Variants in ZNF831 observed in about 807,000 individuals in gnomAD.
The protein encoded by ZNF831 is chromosome 20 open reading frame 174.
In ZNF831, 59 loss-of-function variants were observed where a neutral mutation model predicts 95.8. The observed-to-expected ratio is 0.62, with a 90% confidence interval of 0.50 to 0.77. ZNF831 has a LOEUF of 0.77. Ranked by LOEUF, ZNF831 falls within the 30% of genes least tolerant of loss-of-function variation. The pLI is 0.00. For missense variants in ZNF831, 2,205 were observed against 2,164.0 expected (o/e 1.02, Z -0.38); for synonymous variants, 961 against 925.5 (o/e 1.04, Z -0.70).
intron 1 of ZNF831, among the ~76,000 whole-genome samples, chr20:59,125,184 C>A (rs1281510825): frequency 1.3e-5 from 2 of 152,192 alleles, no homozygotes; most frequent in African/African-American, 4.8e-5. Context: ...ACTGGGGATG[C>A]AAGATCAGGG....
intron 4 of ZNF831, among the ~76,000 whole-genome samples, chr20:59,221,629 C>T (rs1986079990): frequency 6.6e-6 from 1 of 152,160 alleles, no homozygotes; most frequent in Admixed American, 6.5e-5. Context: ...CCAGCCCTGT[C>T]CTAATTAGGA....
intron 1 of ZNF831, among the ~76,000 whole-genome samples, chr20:59,182,928 A>G (rs1982733613): frequency 6.6e-6 from 1 of 152,170 alleles, no homozygotes; most frequent in African/African-American, 2.4e-5. Context: ...CTAGAATCTG[A>G]CAAAAGTTAG....
In ZNF831 at chr20:59,194,474, T is replaced by C. The variant is rs2146600117; in HGVS notation, c.3455T>C (p.Leu1152Ser). 1 of 1,613,050 alleles carries C rather than the reference T, an allele frequency of 6.2e-7. No individual in the cohort carries two copies. The highest frequency in any genetic ancestry group is 8.5e-7 in the Non-Finnish European group (1 of 1,179,738). ...CCCCCAGGCTGGCCAGAGCTGGCCT[T>C]GTCTTCCCACTCAGGGACGTCCCGG... is the stretch of plus-strand genomic sequence containing the variant. ...GVPPGWPELA[L>S]SSHSGTSRSH... The change falls in exon 2 of 6, where the codon TTG becomes TCG. Residue 1152 changes from leucine (L) to serine (S), a missense_variant. Physicochemically the swap from Leu to Ser is moderately radical, Grantham distance 145. Transcript: ENST00000371030.
Position 59,224,301 on chromosome 20 carries a change from C to T in ZNF831, c.4027+17245C>T, listed in dbSNP as rs1439878158. On this transcript the variant is annotated intron_variant, in intron 4 of 5. Transcript: ENST00000371030. ...TTGAGGTGCCCATGGGCTTCTCATCCGTGGTTTGGTAGCATCCTCTTCCAA... is the reference window on the plus strand; with the variant it reads ...TTGAGGTGCCCATGGGCTTCTCATCTGTGGTTTGGTAGCATCCTCTTCCAA... 5.3e-5 allele frequency among the ~76,000 whole-genome samples: 8 copies of T among 152,176 alleles called. No individual in the cohort carries two copies. The South Asian group carries it at 8.3e-4, about 16-fold the overall frequency.
At chr20:59,233,941 T>C (rs1027041305) in intron 4 of ZNF831, among the ~76,000 whole-genome samples, 5 of 152,172 alleles carry the variant, frequency 3.3e-5, no homozygotes, top group African/African-American at 9.7e-5. Context: ...TCGAAAGGAA[T>C]AGAAGAGAAA....
chr20:59,180,543 G>C (rs6100359), intron 1 of ZNF831, among the ~76,000 whole-genome samples: 1 of 151,944 alleles, frequency 6.6e-6, no homozygotes, highest in African/African-American at 2.4e-5. Context: ...CCCCACGACA[G>C]GCTCTGGTGT....
intron 1 of ZNF831, among the ~76,000 whole-genome samples, chr20:59,186,632 G>A (rs1983065677): frequency 6.6e-6 from 1 of 152,176 alleles, no homozygotes; most frequent in Non-Finnish European, 1.5e-5. Flanking sequence ...GGAGGTTCCT[G>A]AAATTCTCAG....
At chr20:59,223,151 C>T (rs1986211124) in intron 4 of ZNF831, among the ~76,000 whole-genome samples, 1 of 151,868 alleles carries the variant, frequency 6.6e-6, no homozygotes, top group Admixed American at 6.6e-5. Context: ...AGAGGGGGGA[C>T]ATTATTTCAG....
intron 1 of ZNF831, among the ~76,000 whole-genome samples, chr20:59,179,631 G>A (rs185023154): frequency 1.3e-5 from 2 of 152,146 alleles, no homozygotes; most frequent in South Asian, 4.2e-4. Context: ...GCTGGATTTT[G>A]CCCCATCTCT....
intron 1 of ZNF831, among the ~76,000 whole-genome samples, chr20:59,177,499 G>A (rs1982263556): frequency 6.6e-6 from 1 of 152,164 alleles, no homozygotes; most frequent in African/African-American, 2.4e-5. Context: ...CCAGGTACCA[G>A]CATGGCTCAT....
At position 59,208,585 on chromosome 20, in the gene ZNF831, T is replaced by G. The variant is rs1373042299; in HGVS notation, c.4027+1529T>G. On this transcript the variant is annotated intron_variant, in intron 4 of 5. Coordinates refer to ENST00000371030, the MANE Select transcript of ZNF831 (RefSeq NM_178457.3). The surrounding 1 kb of genome is among the most constrained non-coding windows in gnomAD (Gnocchi z 4.2). ...GCCAACTCAGGGTACCTGGGAATTG[T>G]GCACAGAATTGTGTGTGTGTGGGTG... Among the ~76,000 whole-genome samples, 1 of 152,170 alleles carries G rather than the reference T, an allele frequency of 6.6e-6. No homozygotes were observed. The highest frequency in any genetic ancestry group is 1.9e-4 in the East Asian group (1 of 5,192).
rs773783363 is a variant in ZNF831, at chr20:59,193,598, C to A, written c.2579C>A (p.Ala860Asp). The change falls in exon 2 of 6, where the codon GCC becomes GAC. Residue 860 changes from alanine to aspartate, a missense_variant. Coordinates refer to ENST00000371030, the MANE Select transcript of ZNF831 (RefSeq NM_178457.3). Reference protein sequence around the residue: ...PASLSSQKQDADPGEVPGGSK... With the variant: ...PASLSSQKQDDDPGEVPGGSK... The stretch of plus-strand genomic sequence containing the variant: ...TCTTTGTCATCCCAGAAGCAGGATG[C>A]CGATCCCGGGGAGGTGCCAGGGGGC... 6.2e-7 allele frequency: 1 copy of A among 1,611,294 alleles called. No individual in the cohort carries two copies. The highest frequency in any genetic ancestry group is 8.5e-7 in the Non-Finnish European group (1 of 1,178,920).
chr20:59,222,952 G>A (rs971210530), intron 4 of ZNF831, among the ~76,000 whole-genome samples: 2 of 152,172 alleles, frequency 1.3e-5, no homozygotes, highest in African/African-American at 4.8e-5. Flanking sequence ...AAATCGGCTG[G>A]GACCCCCCGC....
chr20:59,141,982 G>A (rs2146445015), intron 1 of ZNF831, among the ~76,000 whole-genome samples: 1 of 152,306 alleles, frequency 6.6e-6, no homozygotes, highest in East Asian at 1.9e-4. Context: ...ACGTGTCTGG[G>A]GAAACTCACA....
rs1299037494 is a variant in ZNF831, at chr20:59,195,996, A to C, written c.3866A>C (p.Asn1289Thr). The C allele has an allele frequency of 6.2e-6, 10 of 1,613,880 alleles. No individual in the cohort carries two copies. Among genetic ancestry groups the C allele is most frequent in the Non-Finnish European group, 8.5e-6 (10 of 1,179,886 alleles). ...GNSKQRKLKINPKRYKGNFLQ... is the reference protein window; with the variant it reads ...GNSKQRKLKITPKRYKGNFLQ... ...AGCAAGCAGAGAAAACTGAAGATCAACCCTAAAAGGTAGGATGAGTGGCCA... is the reference window on the plus strand; with the variant it reads ...AGCAAGCAGAGAAAACTGAAGATCACCCCTAAAAGGTAGGATGAGTGGCCA... The change falls in exon 3 of 6, where the codon AAC becomes ACC. Residue 1289 changes from asparagine to threonine, a missense_variant. Physicochemically the swap from Asn to Thr is moderately conservative, Grantham distance 65 (BLOSUM62 0). Transcript: ENST00000371030.
rs150486144 is a variant in ZNF831 at position 59,180,966 on chromosome 20, G to A, written c.-36-10018G>A. ...AATCGCCACATTGTCTTCCACAATG[G>A]TTGAACTAATTTACACTCCCACCAA... On this transcript the variant is annotated intron_variant, in intron 1 of 5. Coordinates refer to ENST00000371030, the MANE Select transcript of ZNF831 (RefSeq NM_178457.3). Among the ~76,000 whole-genome samples, 250 of 152,308 alleles carry A rather than the reference G, an allele frequency of 1.6e-3. 1 individual carries two copies. The highest frequency in any genetic ancestry group is 5.8e-3 in the African/African-American group (242 of 41,556).
chr20:59,238,118 C>T (rs1321094012), intron 4 of ZNF831, among the ~76,000 whole-genome samples: 3 of 152,144 alleles, frequency 2.0e-5, no homozygotes, highest in Non-Finnish European at 2.9e-5. Flanking sequence ...AGACCTCGGA[C>T]CCTCGTCCTT....
At chr20:59,227,600 A>G (rs988367209) in intron 4 of ZNF831, among the ~76,000 whole-genome samples, 1 of 152,228 alleles carries the variant, frequency 6.6e-6, no homozygotes, top group Non-Finnish European at 1.5e-5. Flanking sequence ...CATTATTTTA[A>G]ACAAGCATTT....
At chr20:59,153,721 T>C (rs1980380507) in intron 2 of ZNF831, among the ~76,000 whole-genome samples, 1 of 151,800 alleles carries the variant, frequency 6.6e-6, no homozygotes, top group South Asian at 2.1e-4. Context: ...GGAGAGGGAA[T>C]TACTGTCCTG....
Sources: allele counts gnomAD v4.1 joint callset (sites outside exome capture counted in the v4.1 genomes callset), GRCh38; gene constraint gnomAD v4.1.1; non-coding constraint Gnocchi (gnomAD v3.1); transcripts MANE v1.5; gene names NCBI Gene and HGNC (gene_info 2026-07-23, HGNC 2026-07-21).